C12orf42: variants seen among roughly 807,000 people sequenced by gnomAD.
C12orf42 encodes uncharacterized protein C12orf42.
In C12orf42, 25 loss-of-function variants were observed where a neutral mutation model predicts 21.6. The ratio of observed to expected loss-of-function variants is 1.16; its 90% CI spans 0.84 to 1.62. The LOEUF (loss-of-function observed/expected upper bound fraction) is 1.62, where lower values mean the gene tolerates loss of function less well. Among genes scored for constraint, C12orf42 ranks in the 40% most tolerant of loss-of-function variants. The pLI is 0.00. For missense variants in C12orf42, 483 were observed against 459.3 expected, an observed-to-expected ratio of 1.05 and a Z score of -0.47; for synonymous variants, 174 against 175.0, an observed-to-expected ratio of 0.99 and a Z score of 0.05.
At chr12:103,210,639 C>CTTTTTTTTTTTTTTTTTTTTTTTTTT in the C12orf42 span, among the ~76,000 whole-genome samples, 5 of 77,632 alleles carry the variant, frequency 6.4e-5, no homozygotes, top group Admixed American at 3.0e-4. Flanking sequence ...CCCTCTATTT[C>CTTTTTTTTTTTTTTTTTTTTTTTTTT]TTTTTTTTTT....
the C12orf42 span, among the ~76,000 whole-genome samples, chr12:103,177,459 A>C: frequency 2.0e-5 from 3 of 152,198 alleles, no homozygotes; most frequent in African/African-American, 7.2e-5. Flanking sequence ...CCAAAGAGCT[A>C]AAGAAATGTA....
intron 4 of C12orf42, among the ~76,000 whole-genome samples, chr12:103,363,667 G>T (rs1055485468): frequency 5.9e-5 from 9 of 151,950 alleles, no homozygotes; most frequent in Non-Finnish European, 1.3e-4. Context: ...CATACAAATG[G>T]ACACCAAAAG....
the C12orf42 span, among the ~76,000 whole-genome samples, chr12:103,224,886 T>C: frequency 6.6e-6 from 1 of 151,964 alleles, no homozygotes; most frequent in Non-Finnish European, 1.5e-5. Context: ...AGGAAGGAAA[T>C]GAGTTGTTGT....
At chr12:103,438,313 A>G (rs1333579127) in intron 2 of C12orf42, among the ~76,000 whole-genome samples, 5 of 152,070 alleles carry the variant, frequency 3.3e-5, no homozygotes, top group Admixed American at 6.6e-5. Context: ...CTGAATGGGC[A>G]AAAACTGGAA....
At chr12:103,083,333 C>A in the C12orf42 span, among the ~76,000 whole-genome samples, 1 of 152,142 alleles carries the variant, frequency 6.6e-6, no homozygotes, top group Non-Finnish European at 1.5e-5. Flanking sequence ...CATTGCACTC[C>A]AGCCTGGGCG....
intron 3 of C12orf42, among the ~76,000 whole-genome samples, chr12:103,389,236 C>T (rs955015309): frequency 3.9e-5 from 6 of 152,120 alleles, no homozygotes; most frequent in African/African-American, 9.7e-5. Flanking sequence ...TAAGCATCCC[C>T]CCTACTCAGC....
At chr12:103,063,208 G>A in the C12orf42 span, among the ~76,000 whole-genome samples, 8 of 152,020 alleles carry the variant, frequency 5.3e-5, no homozygotes, top group Admixed American at 4.6e-4. Flanking sequence ...TCTAATTCCC[G>A]GCTTCAGAAG....
the C12orf42 span, among the ~76,000 whole-genome samples, chr12:103,204,409 T>C: frequency 0.011 from 1,614 of 152,300 alleles, 25 homozygotes; most frequent in African/African-American, 0.036. Flanking sequence ...ACTACTGAAA[T>C]GATCATGTCT....
At chr12:103,110,632 C>A in the C12orf42 span, among the ~76,000 whole-genome samples, 14 of 152,096 alleles carry the variant, frequency 9.2e-5, no homozygotes, top group African/African-American at 3.1e-4. Flanking sequence ...AGTTTAAAAA[C>A]AACTACACAA....
chr12:103,462,096 GTTTTTT>G lies in C12orf42; in HGVS notation c.78+16247_78+16252del, dbSNP rs71097979. Among the ~76,000 whole-genome samples the G allele has an allele frequency of 3.2e-4, 9 of 27,730 alleles. No individual in the cohort carries two copies. In the East Asian group the frequency reaches 4.3e-3, roughly 13 times the overall value. The allele number at this position is 27,730 out of a possible 152,430, so 18.2% of individuals were successfully genotyped here. On this transcript the variant is annotated intron_variant, in intron 2 of 5. Transcript: ENST00000548883. ...CCATTTTTGTTTTGTTTTTTGCTTG[GTTTTTT>G]TTTTTTTTTTTTTTTTTTTTTTGAG... is the stretch of plus-strand genomic sequence containing the variant.
At chr12:103,420,705 G>C (rs1395710928) in intron 2 of C12orf42, among the ~76,000 whole-genome samples, 1 of 152,008 alleles carries the variant, frequency 6.6e-6, no homozygotes, top group East Asian at 1.9e-4. Context: ...GATTTTAGTA[G>C]AAACAGGGTT....
At chr12:103,114,883 C>CT in the C12orf42 span, among the ~76,000 whole-genome samples, 2 of 152,146 alleles carry the variant, frequency 1.3e-5, no homozygotes, top group Non-Finnish European at 1.5e-5. Flanking sequence ...ATGGAAATGA[C>CT]TCAGTGTTTA....
chr12:103,286,597 ATTATTC>A (rs1265139165), intron 4 of C12orf42, among the ~76,000 whole-genome samples: 4 of 150,958 alleles, frequency 2.6e-5, no homozygotes, highest in Non-Finnish European at 5.9e-5. Flanking sequence ...CATTATTACT[ATTATTC>A]TTATTATTAC....
At chr12:103,554,001 G>A in the C12orf42 span, among the ~76,000 whole-genome samples, 1 of 152,262 alleles carries the variant, frequency 6.6e-6, no homozygotes, top group Non-Finnish European at 1.5e-5. Context: ...GTGGCAGGAG[G>A]GCTGAGAAGT....
At chr12:103,220,644 C>T in the C12orf42 span, among the ~76,000 whole-genome samples, 1 of 152,128 alleles carries the variant, frequency 6.6e-6, no homozygotes, top group Non-Finnish European at 1.5e-5. Context: ...ACAAAACACA[C>T]ACAGAAAGAG....
chr12:103,167,762 C>G, the C12orf42 span, among the ~76,000 whole-genome samples: 1 of 151,318 alleles, frequency 6.6e-6, no homozygotes, highest in African/African-American at 2.4e-5. Context: ...TCTTGAGAAA[C>G]TTTTAGAGTT....
the C12orf42 span, among the ~76,000 whole-genome samples, chr12:103,142,069 G>A: frequency 6.6e-6 from 1 of 152,060 alleles, no homozygotes; most frequent in East Asian, 1.9e-4. Flanking sequence ...TTTCATTTCT[G>A]TTTTCCTTTT....
rs74864724 is a variant in C12orf42 at position 103,415,157 on chromosome 12, A to G, written c.79-13482T>C. Reference sequence around the variant, plus strand: ...TAGGAAAAAAAAAATACTTTAAACCATAAGAATTAAGAAGGATAATGAAAG... The same window carrying G: ...TAGGAAAAAAAAAATACTTTAAACCGTAAGAATTAAGAAGGATAATGAAAG... On this transcript the variant is annotated intron_variant, in intron 2 of 5. Transcript: ENST00000548883. Among the ~76,000 whole-genome samples the G allele has an allele frequency of 6.6e-3, 1,001 of 152,298 alleles. 10 individuals are homozygous for G. Among genetic ancestry groups the G allele is most frequent in the African/African-American group, 0.023 (948 of 41,576 alleles).
chr12:103,395,764 G>A (rs1334036221), intron 3 of C12orf42, among the ~76,000 whole-genome samples: 1 of 151,688 alleles, frequency 6.6e-6, no homozygotes, highest in Non-Finnish European at 1.5e-5. Context: ...AATTCAATGG[G>A]ACATCCCACT....
Sources: gnomAD v4.1 joint callset for allele counts (sites outside exome capture counted in the v4.1 genomes callset) on GRCh38, gnomAD v4.1.1 for gene constraint, MANE v1.5 for transcripts, NCBI Gene and HGNC (gene_info 2026-07-23, HGNC 2026-07-21) for gene names.